The following ARHGAP28 variants were observed in gnomAD, a reference collection of about 807,000 sequenced individuals.
The protein encoded by ARHGAP28 is rho GTPase-activating protein 28.
Under a neutral mutation model 90.7 loss-of-function variants are expected in ARHGAP28, and 56 were observed. The ratio of observed to expected loss-of-function variants is 0.62; its 90% CI spans 0.50 to 0.77. The LOEUF (loss-of-function observed/expected upper bound fraction) is 0.77. ARHGAP28 is among the 30% of genes least tolerant of loss of function. ARHGAP28 has a pLI of 0.00. For missense variants in ARHGAP28, 869 were observed against 900.9 expected (o/e 0.96, Z 0.45); for synonymous variants, 308 against 323.3 (o/e 0.95, Z 0.51).
At chr18:6,905,361 C>T (rs916563642) in intron 16 of ARHGAP28, among the ~76,000 whole-genome samples, 4 of 151,620 alleles carry the variant, frequency 2.6e-5, no homozygotes, top group East Asian at 3.9e-4. Context: ...AATCCAACAC[C>T]GAGTCATGAT....
chr18:6,864,613 G>A lies in ARHGAP28; in HGVS notation c.727-3537G>A, dbSNP rs147579603. ...TCATTTTTGTTTCTAAAATGTGTGC[G>A]TTATATCTTAATCAGACTCTAAATA... is the stretch of plus-strand genomic sequence containing the variant. On this transcript the variant is annotated intron_variant, in intron 5 of 17. Transcript: ENST00000383472. Among the ~76,000 whole-genome samples, 437 of 152,038 alleles carry A rather than the reference G, an allele frequency of 2.9e-3. 2 individuals carry two copies. The highest frequency in any genetic ancestry group is 9.9e-3 in the African/African-American group (409 of 41,466).
chr18:6,844,359 G>C (rs908354811), intron 3 of ARHGAP28, among the ~76,000 whole-genome samples: 1 of 152,064 alleles, frequency 6.6e-6, no homozygotes, highest in East Asian at 1.9e-4. Flanking sequence ...AAAACAATCA[G>C]GACACTTAAG....
chr18:6,750,475 T>A (rs2056060276), intron 1 of ARHGAP28, among the ~76,000 whole-genome samples: 1 of 152,190 alleles, frequency 6.6e-6, no homozygotes, highest in Non-Finnish European at 1.5e-5. Context: ...CCTTGGAGAT[T>A]GGGTCATATG....
intron 1 of ARHGAP28, among the ~76,000 whole-genome samples, chr18:6,773,443 G>C (rs1371129570): frequency 1.3e-5 from 2 of 152,198 alleles, no homozygotes; most frequent in African/African-American, 4.8e-5. Flanking sequence ...GCCAAGTATA[G>C]GGTCTTTTAC....
chr18:6,759,162 C>T (rs1190741604), intron 1 of ARHGAP28, among the ~76,000 whole-genome samples: 1 of 152,182 alleles, frequency 6.6e-6, no homozygotes, highest in Non-Finnish European at 1.5e-5. Context: ...TTCAGATATA[C>T]TGGCAGCTGG....
intron 1 of ARHGAP28, among the ~76,000 whole-genome samples, chr18:6,770,416 T>C (rs1165095853): frequency 6.6e-6 from 1 of 152,196 alleles, no homozygotes; most frequent in African/African-American, 2.4e-5. Flanking sequence ...GACCGGTGCA[T>C]TGGCATCCCC....
Position 6,876,022 on chromosome 18 carries a change from A to AAT in ARHGAP28, c.1213-100_1213-99dup, listed in dbSNP as rs747460042. 434 of 895,592 alleles carry AAT rather than the reference A, an allele frequency of 4.8e-4. 1 individual carries two copies. Among genetic ancestry groups the AAT allele is most frequent in the Admixed American group, 7.3e-4 (35 of 48,240 alleles). The allele number at this position is 895,592 out of a possible 1,614,324, so 55.5% of individuals were successfully genotyped here. A position where few individuals can be genotyped will look rare whatever the true frequency, so the allele number is the denominator to read the frequency against. ...TAACACAGCATTCAAGTGCCAGGCA[A>AAT]ATATATATATGCTTGGTAACTTATT... On this transcript the variant is annotated intron_variant, in intron 9 of 17. Coordinates refer to ENST00000383472, the MANE Select transcript of ARHGAP28 (RefSeq NM_001366230.1).
chr18:6,774,950 T>C (rs2056272035), intron 1 of ARHGAP28, among the ~76,000 whole-genome samples: 1 of 152,218 alleles, frequency 6.6e-6, no homozygotes. Flanking sequence ...TCTTAGAAAT[T>C]AATTAGCACC....
At chr18:6,789,232 C>T (rs1010330815) in intron 1 of ARHGAP28, 5 of 152,116 alleles carry the variant, frequency 3.3e-5, no homozygotes, top group African/African-American at 9.7e-5. Flanking sequence ...TCAGCCTTTG[C>T]ATGGTAGGGA....
Position 6,896,770 on chromosome 18 carries a change from A to C in ARHGAP28, c.2030+144A>C, listed in dbSNP as rs138335518. On this transcript the variant is annotated intron_variant, in intron 16 of 17. Transcript: ENST00000383472. ...AGTTTACCAGTGGATTACGAGAATAAAAAGAGAATGAAGTTAGTAGATATA... is the reference window on the plus strand; with the variant it reads ...AGTTTACCAGTGGATTACGAGAATACAAAGAGAATGAAGTTAGTAGATATA... 1.5e-4 allele frequency: 149 copies of C among 967,168 alleles called. No individual in the cohort carries two copies. In the East Asian group the frequency reaches 2.8e-3, roughly 18 times the overall value. 59.9% of individuals were successfully genotyped at this position (967,168 alleles called of 1,614,324 possible).
chr18:6,879,120 A>C (rs1261616820), intron 10 of ARHGAP28, among the ~76,000 whole-genome samples: 1 of 152,164 alleles, frequency 6.6e-6, no homozygotes, highest in Non-Finnish European at 1.5e-5. Context: ...CTGTGGAGCC[A>C]AGTCCCAGAC....
chr18:6,908,914 A>G, intron 16 of ARHGAP28, 46 bp from the exon 17 acceptor site: 1 of 1,190,978 alleles, frequency 8.4e-7, no homozygotes, highest in Non-Finnish European at 1.2e-6. Context: ...TTTACCTCAG[A>G]TCAGGAAAAA....
At chr18:6,769,446 CT>C (rs2056225265) in intron 1 of ARHGAP28, among the ~76,000 whole-genome samples, 1 of 152,246 alleles carries the variant, frequency 6.6e-6, no homozygotes, top group African/African-American at 2.4e-5. Context: ...ATTCTTTAAT[CT>C]TTTTCTTTTG....
At chr18:6,854,941 G>A (rs1325716475) in intron 4 of ARHGAP28, among the ~76,000 whole-genome samples, 1 of 152,216 alleles carries the variant, frequency 6.6e-6, no homozygotes, top group Non-Finnish European at 1.5e-5. Flanking sequence ...ACCCCCCACG[G>A]TGTGCACATG....
At chr18:6,871,208 C>T (rs1391702854) in intron 7 of ARHGAP28, among the ~76,000 whole-genome samples, 2 of 152,216 alleles carry the variant, frequency 1.3e-5, no homozygotes, top group African/African-American at 4.8e-5. Flanking sequence ...ACTTGTTGTG[C>T]AGTGCACAGC....
chr18:6,788,161 A>C (rs1252425539), intron 1 of ARHGAP28, among the ~76,000 whole-genome samples: 1 of 152,094 alleles, frequency 6.6e-6, no homozygotes, highest in Non-Finnish European at 1.5e-5. Context: ...TGAGCAGTTT[A>C]GCACCACCTA....
At chr18:6,889,083 C>A (rs1275927783) in intron 12 of ARHGAP28, among the ~76,000 whole-genome samples, 1 of 152,082 alleles carries the variant, frequency 6.6e-6, no homozygotes, top group African/African-American at 2.4e-5. Context: ...TCACAGCAAA[C>A]CCTCAAATGA....
chr18:6,859,829 A>G lies in ARHGAP28; in HGVS notation c.658A>G (p.Ser220Gly). ...GSMPDDASLN[S>G]TTLSDASQDK... ...TTAGCCAGATGATGCTTCTCTCAAC[A>G]GTACTACCCTGTCTGACGCATCCCA... Residue 220 changes from serine to glycine, a missense_variant, in exon 5 of 18, where the codon AGT becomes GGT. Coordinates refer to ENST00000383472, the MANE Select transcript of ARHGAP28 (RefSeq NM_001366230.1). The G allele has an allele frequency of 6.2e-7, 1 of 1,614,036 alleles. No individual in the cohort carries two copies. Among genetic ancestry groups the G allele is most frequent in the East Asian group, 2.2e-5 (1 of 44,880 alleles).
intron 11 of ARHGAP28, among the ~76,000 whole-genome samples, chr18:6,886,920 T>C (rs182916233): frequency 1.0e-3 from 158 of 152,304 alleles, no homozygotes; most frequent in Admixed American, 4.6e-3. Flanking sequence ...TCCAGAATTA[T>C]TCTGAGGATC....
Sources: allele counts gnomAD v4.1 joint callset (sites outside exome capture counted in the v4.1 genomes callset), GRCh38; gene constraint gnomAD v4.1.1; transcripts MANE v1.5; gene names NCBI Gene and HGNC (gene_info 2026-07-23, HGNC 2026-07-21).